The following ZNF75D variants were observed in gnomAD, a reference collection of about 807,000 sequenced individuals.
ZNF75D encodes zinc finger protein 75D, also known as zinc finger protein 75.
ZNF75D carries 33 observed loss-of-function variants against 33.3 expected under a neutral mutation model. The ratio of observed to expected loss-of-function variants is 0.99; its 90% CI spans 0.75 to 1.32. The LOEUF (loss-of-function observed/expected upper bound fraction) is 1.32. Among genes scored for constraint, ZNF75D ranks in the 40% most tolerant of loss-of-function variants. The pLI is 0.00. For synonymous variants in ZNF75D, 113 were observed against 130.6 expected (o/e 0.87, Z 0.92); for missense variants, 338 against 367.5 (o/e 0.92, Z 0.66).
At chrX:135,293,269 C>CT (rs1367452096) in intron 3 of ZNF75D, among the ~76,000 whole-genome samples, 1 of 111,762 alleles carries the variant, frequency 8.9e-6, no homozygotes, top group Non-Finnish European at 1.9e-5. Context: ...TCCTTGTTTC[C>CT]TTTTTTTCTT....
downstream of ZNF75D, among the ~76,000 whole-genome samples, chrX:135,283,440 A>G (rs1569487582): frequency 8.9e-6 from 1 of 112,067 alleles, no homozygotes; most frequent in African/African-American, 3.2e-5. Context: ...CCTCCCCAAC[A>G]TGGTCATCAC....
intron 1 of ZNF75D, chrX:135,309,555 T>C (rs1199632193): frequency 2.7e-5 from 8 of 295,176 alleles, no homozygotes; most frequent in Admixed American, 1.2e-4. Flanking sequence ...ATCCTTCAAA[T>C]GCAAGAAGCC....
rs2084125597 is a variant in ZNF75D, at chrX:135,296,052, C to T, written c.-390-13G>A. Reference sequence around the variant, plus strand: ...GAGTTCTGTGGACCTGAACCGGAATCAACCAGAAAATGAAAGATGCATTTC... The same window carrying T: ...GAGTTCTGTGGACCTGAACCGGAATTAACCAGAAAATGAAAGATGCATTTC... On this transcript the variant is annotated splice_polypyrimidine_tract_variant and intron_variant, in intron 1 of 6. Coordinates refer to ENST00000370766, the MANE Select transcript of ZNF75D (RefSeq NM_007131.5). 1 of 111,159 alleles carries T rather than the reference C, an allele frequency of 9.0e-6. No homozygotes were observed. The highest frequency in any genetic ancestry group is 1.9e-5 in the Non-Finnish European group (1 of 53,004). 9.2% of individuals were successfully genotyped at this position (111,159 alleles called of 1,213,427 possible).
intron 2 of ZNF75D, 124 bp from the exon 3 acceptor site, chrX:135,294,382 A>T: frequency 6.5e-6 from 2 of 305,801 alleles, no homozygotes; most frequent in Non-Finnish European, 1.1e-5. Context: ...TTTAAAATCA[A>T]CTGCCAAGAA....
At chrX:135,319,097 G>C (rs1873955963) in intron 1 of ZNF75D, among the ~76,000 whole-genome samples, 1 of 111,408 alleles carries the variant, frequency 9.0e-6, no homozygotes, top group Non-Finnish European at 1.9e-5. Flanking sequence ...CCTCACCCTA[G>C]ATGAGCCAAT....
At chrX:135,298,369 G>A (rs189180960) in intron 1 of ZNF75D, 1 of 111,744 alleles carries the variant, frequency 8.9e-6, no homozygotes, top group Admixed American at 9.4e-5. Context: ...TGAGACAGAG[G>A]TTGGACAACC....
chrX:135,323,491 C>T (rs2084522391), intron 1 of ZNF75D, among the ~76,000 whole-genome samples: 1 of 112,147 alleles, frequency 8.9e-6, no homozygotes, highest in Non-Finnish European at 1.9e-5. Flanking sequence ...AACTGCTCTT[C>T]CTCCATATGA....
intron 1 of ZNF75D, among the ~76,000 whole-genome samples, chrX:135,314,196 T>C (rs2084392733): frequency 8.9e-6 from 1 of 112,159 alleles, no homozygotes; most frequent in South Asian, 3.7e-4. Flanking sequence ...GTTTTTATCG[T>C]AAAGGGATGT....
Position 135,340,878 on chromosome X carries a change from C to T in ZNF75D, c.-391+890G>A, listed in dbSNP as rs375423783. Among the ~76,000 whole-genome samples the T allele has an allele frequency of 8.9e-5, 10 of 111,951 alleles. No homozygotes were observed. In the South Asian group the frequency reaches 1.5e-3, roughly 17 times the overall value. ...CTAGAGGAAACTACTGCCACTGAACCGGTATAATTAAATGTAATGAGGATA... is the reference window on the plus strand; with the variant it reads ...CTAGAGGAAACTACTGCCACTGAACTGGTATAATTAAATGTAATGAGGATA... On this transcript the variant is annotated intron_variant, in intron 1 of 6. Coordinates refer to ENST00000370766, the MANE Select transcript of ZNF75D (RefSeq NM_007131.5).
At chrX:135,289,615 CACACACACACAG>C (rs2084006857) in intron 6 of ZNF75D, among the ~76,000 whole-genome samples, 1 of 69,703 alleles carries the variant, frequency 1.4e-5, no homozygotes, top group African/African-American at 5.7e-5. Flanking sequence ...GACTCTGACA[CACACACACACAG>C]ACACACACAC....
At chrX:135,274,382 C>T (rs1463726509) in intron 1 of ZNF75D, among the ~76,000 whole-genome samples, 1 of 112,072 alleles carries the variant, frequency 8.9e-6, no homozygotes, top group Admixed American at 9.5e-5. Flanking sequence ...ATATTTGTCT[C>T]TGCTAGATAT....
chrX:135,290,755 T>G (rs1310489391), intron 6 of ZNF75D, among the ~76,000 whole-genome samples: 2 of 112,336 alleles, frequency 1.8e-5, no homozygotes, highest in Admixed American at 1.9e-4. Flanking sequence ...GAGAAGGGTG[T>G]GTTTGGATGA....
intron 1 of ZNF75D, among the ~76,000 whole-genome samples, chrX:135,258,024 C>T (rs1366563984): frequency 9.2e-6 from 1 of 108,807 alleles, no homozygotes; most frequent in Non-Finnish European, 1.9e-5. Flanking sequence ...CAAGTGATCT[C>T]ATTGTTCAAT....
At chrX:135,281,901 G>A (rs1463557395), downstream of ZNF75D, among the ~76,000 whole-genome samples, 5 of 112,305 alleles carry the variant, frequency 4.5e-5, 1 homozygote, top group Non-Finnish European at 9.4e-5. Flanking sequence ...GCCAGCTGGA[G>A]CTCTCCTTTA....
In ZNF75D at chrX:135,287,201, G is replaced by A. The variant is rs138085112; in HGVS notation, c.1469C>T (p.Ser490Leu). 309 of 1,209,495 alleles carry A rather than the reference G, an allele frequency of 2.6e-4. No individual in the cohort carries two copies. The highest frequency in any genetic ancestry group is 2.9e-4 in the Non-Finnish European group (260 of 895,032). The change falls in exon 7 of 7, where the codon TCG becomes TTG. Residue 490 changes from serine (S) to leucine (L), a missense_variant. Around this residue, in one of 3 missense-constraint regions of ZNF75D, gnomAD observed 79 missense variants for 80.1 expected, o/e 0.99. Coordinates refer to ENST00000370766, the MANE Select transcript of ZNF75D (RefSeq NM_007131.5). ...SLCKRNFSRR[S>L]SLLRHQKLHR... ...GAGTTTCTGGTGTCTAAGAAGGCTC[G>A]ATCGCCTACTAAAGTTTCTCTTGCA...
intron 1 of ZNF75D, among the ~76,000 whole-genome samples, chrX:135,314,942 TC>T (rs376046422): frequency 8.5e-4 from 95 of 112,174 alleles, no homozygotes; most frequent in African/African-American, 2.7e-3. Context: ...TTCTATTGTT[TC>T]TAGTCTCCAC....
At chrX:135,298,484 T>A (rs1602616067) in intron 1 of ZNF75D, 1 of 111,261 alleles carries the variant, frequency 9.0e-6, no homozygotes, top group East Asian at 2.8e-4. Context: ...CTCTGAACAG[T>A]TTCAGAGTAG....
intron 1 of ZNF75D, among the ~76,000 whole-genome samples, chrX:135,314,700 C>T (rs1556430456): frequency 8.9e-6 from 1 of 111,759 alleles, no homozygotes; most frequent in African/African-American, 3.2e-5. Flanking sequence ...CTGATTCAAG[C>T]TGGGCAGGTT....
chrX:135,273,561 G>A (rs1556417252), intron 1 of ZNF75D, among the ~76,000 whole-genome samples: 2 of 110,937 alleles, frequency 1.8e-5, no homozygotes, highest in Non-Finnish European at 3.8e-5. Flanking sequence ...ATTACACACA[G>A]GAACCAAAGG....
Sources: gnomAD v4.1 joint callset for allele counts (sites outside exome capture counted in the v4.1 genomes callset) on GRCh38, gnomAD v4.1.1 for gene constraint, gnomAD v4.1.1 regional missense constraint, MANE v1.5 for transcripts, NCBI Gene and HGNC (gene_info 2026-07-23, HGNC 2026-07-21) for gene names.